Variants in RIF1 observed in about 807,000 individuals in gnomAD.
The protein encoded by RIF1 is telomere-associated protein RIF1.
A neutral mutation model predicts 247.1 loss-of-function variants in RIF1; 45 were observed. That is an observed-to-expected ratio of 0.18 (90% CI 0.14 to 0.23). RIF1 has a LOEUF of 0.23. Ranked by LOEUF, RIF1 falls within the 10% of genes least tolerant of loss-of-function variation. The pLI, the probability that RIF1 is intolerant of heterozygous loss-of-function variation, is 1.00. For missense variants in RIF1, 2,967 were observed against 2,862.5 expected, an observed-to-expected ratio of 1.04 and a Z score of -0.83; for synonymous variants, 1,087 against 978.8, an observed-to-expected ratio of 1.11 and a Z score of -2.06.
At position 151,436,839 on chromosome 2, in the gene RIF1, C is replaced by G; in HGVS notation, c.1208C>G (p.Pro403Arg). The change falls in exon 12 of 36, where the codon CCG becomes CGG. Residue 403 changes from proline (P) to arginine (R), a missense_variant. Around this residue, in one of 7 missense-constraint regions of RIF1, gnomAD observed 369 missense variants for 322.0 expected, o/e 1.15. Coordinates refer to ENST00000444746, the MANE Select transcript of RIF1 (RefSeq NM_018151.5). ...TTTTTTCTTAAAGGTGCTTCCTCCCCGTACGGAGCCCCGGGAACTCCCCGA... is the reference window on the plus strand; with the variant it reads ...TTTTTTCTTAAAGGTGCTTCCTCCCGGTACGGAGCCCCGGGAACTCCCCGA... ...MTPVHKGASSPYGAPGTPRMN... is the reference protein window; with the variant it reads ...MTPVHKGASSRYGAPGTPRMN... 6.3e-7 allele frequency: 1 copy of G among 1,597,798 alleles called. No individual in the cohort carries two copies.
At chr2:151,505,492 T>G in intron 12 of RIF1, 1 of 1,613,704 alleles carries the variant, frequency 6.2e-7, no homozygotes, top group Non-Finnish European at 8.5e-7. Context: ...CTAATGTGCT[T>G]CTGCGTCTCC....
chr2:151,492,424 A>G lies in RIF1; in HGVS notation c.*416-2805A>G, dbSNP rs1340719168. On this transcript the variant is annotated intron_variant and NMD_transcript_variant, in intron 9 of 13. Transcript: ENST00000454583. ...CCGTTGGGTCTCCCTCACCCGTCTC[A>G]TCTCGGGGGTATCCAATACATAGGC... 5 of 1,608,962 alleles carry G rather than the reference A, an allele frequency of 3.1e-6. No homozygotes were observed. The highest frequency in any genetic ancestry group is 1.7e-5 in the Admixed American group (1 of 59,418).
At position 151,476,071 on chromosome 2, in the gene RIF1, ATG is replaced by A. The variant is rs948258169; in HGVS notation, c.*1002_*1003del. On this transcript the variant is annotated 3_prime_UTR_variant, in exon 36 of 36. Transcript: ENST00000444746. ...TAAGTAAAATTATAGAAATAAGAAA[ATG>A]TTACACAACTTTGCTGTTCATACCC... 2.6e-5 allele frequency: 4 copies of A among 152,314 alleles called. No individual in the cohort carries two copies. Among genetic ancestry groups the A allele is most frequent in the Non-Finnish European group, 4.4e-5 (3 of 67,986 alleles). 9.4% of individuals were successfully genotyped at this position (152,314 alleles called of 1,614,324 possible). A position where few individuals can be genotyped will look rare whatever the true frequency, so the allele number is the denominator to read the frequency against.
At chr2:151,445,660 G>A (rs1188857824) in intron 19 of RIF1, among the ~76,000 whole-genome samples, 1 of 151,674 alleles carries the variant, frequency 6.6e-6, no homozygotes, top group Non-Finnish European at 1.5e-5. Flanking sequence ...CAGTTCTCCT[G>A]TCTCTGCCTC....
chr2:151,520,889 A>G, the RIF1 span, among the ~76,000 whole-genome samples: 8 of 152,230 alleles, frequency 5.3e-5, no homozygotes, highest in East Asian at 1.9e-4. Context: ...GGATTTATTT[A>G]TAGGAGAATT....
At chr2:151,457,504 CTATT>C (rs1387811897) in intron 23 of RIF1, among the ~76,000 whole-genome samples, 7 of 152,090 alleles carry the variant, frequency 4.6e-5, no homozygotes, top group African/African-American at 9.7e-5. Context: ...ATGTAGGTAA[CTATT>C]TATCTTGTTA....
At chr2:151,497,319 A>G (rs113406378) in intron 10 of RIF1, 23,352 of 979,878 alleles carry the variant, frequency 0.024, 320 homozygotes, top group African/African-American at 0.056. Context: ...CATGCCTCCT[A>G]AACAATTATA....
chr2:151,508,325 A>T (rs2153220052), downstream of RIF1, among the ~76,000 whole-genome samples: 1 of 152,320 alleles, frequency 6.6e-6, no homozygotes, highest in Non-Finnish European at 1.5e-5. Flanking sequence ...CTAAGCCCAG[A>T]CATTCAGTAG....
At position 151,464,347 on chromosome 2, in the gene RIF1, AGAAGAT is replaced by A. The variant is rs758691672; in HGVS notation, c.4829_4834del (p.Glu1610_Asp1611del). 3.1e-6 allele frequency: 5 copies of A among 1,610,552 alleles called. No individual in the cohort carries two copies. The African/African-American group carries it at 6.7e-5, about 22-fold the overall frequency. On this transcript the variant is annotated inframe_deletion, in exon 30 of 36. Transcript: ENST00000444746. ...CACATGATTATAAAGCAACTTCTGA[AGAAGAT>A]GTAAGCATAAAATCTCCGATTTGCG...
intron 10 of RIF1, among the ~76,000 whole-genome samples, chr2:151,434,769 A>T (rs1335447121): frequency 6.6e-6 from 1 of 151,434 alleles, no homozygotes; most frequent in Non-Finnish European, 1.5e-5. Flanking sequence ...AGTTAAAAGG[A>T]GCAGCTCTGC....
Position 151,464,737 on chromosome 2 carries a change from A to G in RIF1, c.5217A>G (p.Ser1739=). ...GTTGTGATTGCTGTGGGGAAAAATC[A>G]CAACCTCAGGAAAAGTCACTCATTG... The part of the protein sequence containing the change: ...SKGCDCCGEK[S]QPQEKSLIGL... Residue 1739 remains serine (S), a synonymous_variant, in exon 30 of 36, where the codon TCA becomes TCG. Transcript: ENST00000444746. 6.2e-7 allele frequency: 1 copy of G among 1,613,642 alleles called. No individual in the cohort carries two copies. The highest frequency in any genetic ancestry group is 8.5e-7 in the Non-Finnish European group (1 of 1,179,840).
At chr2:151,411,533 G>A (rs1441854240) in intron 3 of RIF1, among the ~76,000 whole-genome samples, 195 bp downstream of exon 3, 1 of 152,090 alleles carries the variant, frequency 6.6e-6, no homozygotes, top group Admixed American at 6.6e-5. Context: ...CTCCTGAATA[G>A]CTGGGATTAT....
intron 3 of RIF1, 112 bp downstream of exon 3, chr2:151,411,450 G>A (rs1163813014): frequency 3.1e-6 from 2 of 649,548 alleles, no homozygotes; most frequent in Non-Finnish European, 5.4e-6. Context: ...AGGCGAGAGT[G>A]CAATGGCTCA....
intron 26 of RIF1, 136 bp from the exon 27 acceptor site, chr2:151,461,002 G>A (rs1696068176): frequency 2.6e-6 from 2 of 764,872 alleles, no homozygotes; most frequent in Admixed American, 5.5e-5. Flanking sequence ...GTACTAATTT[G>A]TTACGGATCA....
At chr2:151,527,962 A>G in the RIF1 span, among the ~76,000 whole-genome samples, 1 of 152,242 alleles carries the variant, frequency 6.6e-6, no homozygotes, top group South Asian at 2.1e-4. Flanking sequence ...TCTGCCAGGC[A>G]CTTTTCTAAG....
chr2:151,506,130 C>T, intron 12 of RIF1: 2 of 1,515,256 alleles, frequency 1.3e-6, no homozygotes, highest in Non-Finnish European at 1.8e-6. Flanking sequence ...CAAAGGGAGG[C>T]AGAAAATATT....
At chr2:151,437,412 C>A in intron 13 of RIF1, 61 bp downstream of exon 13, 1 of 1,273,196 alleles carries the variant, frequency 7.9e-7, no homozygotes, top group Non-Finnish European at 1.1e-6. Flanking sequence ...AAAAATAGGC[C>A]AGTCACAGTA....
In RIF1 at chr2:151,451,724, A is replaced by G. The variant is rs780425458; in HGVS notation, c.2344+19A>G. 2 of 1,264,192 alleles carry G rather than the reference A, an allele frequency of 1.6e-6. No individual in the cohort carries two copies. Among genetic ancestry groups the G allele is most frequent in the Non-Finnish European group, 2.3e-6 (2 of 865,844 alleles). The allele number at this position is 1,264,192 out of a possible 1,614,324, so 78.3% of individuals were successfully genotyped here. ...GTTAAATGTAAGTATGTATTTTTTA[A>G]CCTTTGTTTGTCCAGTATTTCATAA... On this transcript the variant is annotated intron_variant, in intron 21 of 35. Transcript: ENST00000444746.
rs767852758 is a variant in RIF1, at chr2:151,494,257, T to C, written c.*416-972T>C. ...CCACATTTTCTTTGTACAAAACCTA[T>C]GGGAATCCAATGGGTCCAAAAAGCC... On this transcript the variant is annotated intron_variant and NMD_transcript_variant, in intron 9 of 13. Transcript: ENST00000454583. 2.0e-5 allele frequency: 32 copies of C among 1,584,886 alleles called. No homozygotes were observed. The highest frequency in any genetic ancestry group is 2.3e-5 in the Non-Finnish European group (27 of 1,161,882).
Sources: gnomAD v4.1 joint callset for allele counts (sites outside exome capture counted in the v4.1 genomes callset) on GRCh38, gnomAD v4.1.1 for gene constraint, gnomAD v4.1.1 regional missense constraint, MANE v1.5 for transcripts, NCBI Gene and HGNC (gene_info 2026-07-23, HGNC 2026-07-21) for gene names.